Variants in GARIN1B observed in about 807,000 individuals in gnomAD.
The protein encoded by GARIN1B is Golgi-associated RAB2 interactor protein 1B.
At chr7:128,727,009 C>T in the GARIN1B span, 7 of 722,192 alleles carry the variant, frequency 9.7e-6, no homozygotes, top group South Asian at 1.9e-5. Flanking sequence ...AGTTTGAATT[C>T]CTTTAGGCTC....
At chr7:128,731,116 C>CA in the GARIN1B span, 1 of 1,610,526 alleles carries the variant, frequency 6.2e-7, no homozygotes, top group Non-Finnish European at 8.5e-7. Context: ...CTATTTGAGC[C>CA]ACCCTTCCGC....
chr7:128,724,676 T>G, the GARIN1B span: 1 of 1,266,786 alleles, frequency 7.9e-7, no homozygotes, highest in Admixed American at 2.4e-5. Context: ...CTATTACTTA[T>G]GGTTTAATAG....
At chr7:128,713,272 A>C in the GARIN1B span, among the ~76,000 whole-genome samples, 1 of 152,134 alleles carries the variant, frequency 6.6e-6, no homozygotes, top group Non-Finnish European at 1.5e-5. Flanking sequence ...GTGCCACTGC[A>C]CTCCAGCCTG....
At chr7:128,709,654 G>C in the GARIN1B span, among the ~76,000 whole-genome samples, 1 of 150,508 alleles carries the variant, frequency 6.6e-6, no homozygotes, top group Non-Finnish European at 1.5e-5. Flanking sequence ...CTGGATGTTT[G>C]TAGTATAATG....
the GARIN1B span, among the ~76,000 whole-genome samples, chr7:128,719,477 TCCCTGTTCCTACTC>T: frequency 1.3e-5 from 2 of 151,916 alleles, no homozygotes; most frequent in Non-Finnish European, 2.9e-5. Flanking sequence ...TTGCAGTCAT[TCCCTGTTCCTACTC>T]CCAGCTCTAG....
the GARIN1B span, among the ~76,000 whole-genome samples, chr7:128,714,389 C>T: frequency 8.9e-4 from 135 of 151,924 alleles, no homozygotes; most frequent in Non-Finnish European, 3.4e-4. Flanking sequence ...CCAGCCTGAC[C>T]AACATGGAGA....
the GARIN1B span, chr7:128,719,159 T>G: frequency 2.0e-6 from 3 of 1,513,002 alleles, no homozygotes; most frequent in Non-Finnish European, 2.7e-6. Flanking sequence ...GGTATGTGAG[T>G]GCCCTATGAA....
chr7:128,721,027 T>G, the GARIN1B span, among the ~76,000 whole-genome samples: 1 of 152,198 alleles, frequency 6.6e-6, no homozygotes, highest in South Asian at 2.1e-4. Context: ...GATAAGCACA[T>G]GTTGAATTTA....
the GARIN1B span, among the ~76,000 whole-genome samples, chr7:128,719,999 A>G: frequency 6.6e-6 from 1 of 151,824 alleles, no homozygotes; most frequent in Non-Finnish European, 1.5e-5. Context: ...TGTGCCCGGC[A>G]TTGACCATTT....
the GARIN1B span, among the ~76,000 whole-genome samples, chr7:128,725,555 A>G: frequency 2.0e-5 from 3 of 152,118 alleles, no homozygotes; most frequent in African/African-American, 7.2e-5. Context: ...TATTTTTATT[A>G]GAGATGGGGT....
the GARIN1B span, among the ~76,000 whole-genome samples, chr7:128,722,058 T>C: frequency 6.6e-6 from 1 of 152,254 alleles, no homozygotes; most frequent in Non-Finnish European, 1.5e-5. Context: ...GATATTGGTC[T>C]GTAATTTTCT....
chr7:128,722,621 T>G, the GARIN1B span, among the ~76,000 whole-genome samples: 1 of 152,032 alleles, frequency 6.6e-6, no homozygotes, highest in African/African-American at 2.4e-5. Context: ...CTGGCCAACA[T>G]GGTGAAACCC....
At chr7:128,713,904 CTG>C in the GARIN1B span, 1 of 1,222,290 alleles carries the variant, frequency 8.2e-7, no homozygotes, top group Non-Finnish European at 1.1e-6. Context: ...CGCTTTTGTG[CTG>C]TGTGTTCCCT....
chr7:128,714,065 G>T, the GARIN1B span: 1 of 1,535,642 alleles, frequency 6.5e-7, no homozygotes, highest in South Asian at 1.2e-5. Context: ...TGAGCCAGGA[G>T]CTATAACAGG....
the GARIN1B span, among the ~76,000 whole-genome samples, chr7:128,721,323 G>C: frequency 1.3e-5 from 2 of 152,108 alleles, no homozygotes; most frequent in Non-Finnish European, 2.9e-5. Flanking sequence ...GCACTTATTT[G>C]ATTAAATGTT....
At chr7:128,726,858 C>A in the GARIN1B span, 3 of 1,614,052 alleles carry the variant, frequency 1.9e-6, no homozygotes, top group Non-Finnish European at 2.5e-6. Context: ...TGGAGACCAA[C>A]AAGAACAGCT....
chr7:128,717,082 G>C, the GARIN1B span: 2 of 1,222,846 alleles, frequency 1.6e-6, no homozygotes, highest in South Asian at 3.1e-5. Context: ...AACTCAAGGA[G>C]AAGATAGAGA....
chr7:128,714,982 C>T, the GARIN1B span, among the ~76,000 whole-genome samples: 1 of 152,144 alleles, frequency 6.6e-6, no homozygotes, highest in African/African-American at 2.4e-5. Context: ...ACCAGGGTGT[C>T]GGGGGCCCAC....
At chr7:128,719,444 C>T in the GARIN1B span, among the ~76,000 whole-genome samples, 1 of 151,902 alleles carries the variant, frequency 6.6e-6, no homozygotes, top group African/African-American at 2.4e-5. Context: ...TTCCATTACC[C>T]TAAAAAATAC....
Sources: gnomAD v4.1 joint callset for allele counts (sites outside exome capture counted in the v4.1 genomes callset) on GRCh38, gnomAD v4.1.1 for gene constraint, MANE v1.5 for transcripts, NCBI Gene and HGNC (gene_info 2026-07-23, HGNC 2026-07-21) for gene names.